Variants in GPR183 observed in about 807,000 individuals in gnomAD.
GPR183 encodes the protein G protein-coupled receptor 183, also known as EBV-induced G-protein coupled receptor 2.
A neutral mutation model predicts 19.7 loss-of-function variants in GPR183; 9 were observed. That is an observed-to-expected ratio of 0.46 (90% CI 0.28 to 0.80). The LOEUF is 0.80. Among genes scored for constraint, GPR183 ranks in the 30% least tolerant of loss-of-function variants. The probability of loss-of-function intolerance (pLI) is 0.13; values close to 1 mark genes in which losing one functional copy is unlikely to be tolerated. For missense variants in GPR183, 368 were observed against 446.7 expected (o/e 0.82, Z 1.59); for synonymous variants, 160 against 155.1 (o/e 1.03, Z -0.24).
At chr13:99,304,693 C>A (rs2138741235) in intron 1 of GPR183, among the ~76,000 whole-genome samples, 1 of 152,234 alleles carries the variant, frequency 6.6e-6, no homozygotes, top group South Asian at 2.1e-4. Context: ...CTCATTGAAT[C>A]CTCTCAGAAC....
At chr13:99,301,895 T>C (rs184157646) in intron 1 of GPR183, among the ~76,000 whole-genome samples, 41 of 152,364 alleles carry the variant, frequency 2.7e-4, no homozygotes, top group African/African-American at 9.9e-4. Flanking sequence ...AATGTCACCT[T>C]TGCCCTCTAA....
chr13:99,305,743 A>G (rs1259173334), intron 1 of GPR183, among the ~76,000 whole-genome samples: 1 of 152,196 alleles, frequency 6.6e-6, no homozygotes, highest in Non-Finnish European at 1.5e-5. Flanking sequence ...GTGAGTGAAC[A>G]TTTTGTGGAG....
At chr13:99,299,067 A>G (rs1446121467) in intron 1 of GPR183, among the ~76,000 whole-genome samples, 3 of 152,176 alleles carry the variant, frequency 2.0e-5, no homozygotes, top group Admixed American at 6.5e-5. Flanking sequence ...CCATATGAAT[A>G]ATTATTATTG....
Position 99,296,013 on chromosome 13 carries a change from CA to C in GPR183, c.132del (p.Ile44MetfsTer8). On this transcript the variant is annotated frameshift_variant, in exon 2 of 2. Coordinates refer to ENST00000376414, the MANE Select transcript of GPR183 (RefSeq NM_004951.5). LOFTEE classifies it high-confidence loss of function. Reference sequence around the variant, plus strand: ...AAGGCTAGTAAGTTTCCCACGAGCCCAATGATGAAGACGAGGCTGTAATGCA... The same window carrying C: ...AAGGCTAGTAAGTTTCCCACGAGCCCATGATGAAGACGAGGCTGTAATGCA... ...MPLHYSLVFI[I>X]GLVGNLLALV... 1 of 1,614,014 alleles carries C rather than the reference CA, an allele frequency of 6.2e-7. No individual in the cohort carries two copies. The highest frequency in any genetic ancestry group is 8.5e-7 in the Non-Finnish European group (1 of 1,180,010).
At chr13:99,306,868 G>T (rs2044344556) in intron 1 of GPR183, among the ~76,000 whole-genome samples, 1 of 152,004 alleles carries the variant, frequency 6.6e-6, no homozygotes, top group South Asian at 2.1e-4. Flanking sequence ...TATATCTAAA[G>T]CTTTAGAAAA....
chr13:99,306,985 T>C (rs2044346213), intron 1 of GPR183, among the ~76,000 whole-genome samples: 1 of 152,214 alleles, frequency 6.6e-6, no homozygotes, highest in South Asian at 2.1e-4. Flanking sequence ...TAAAATAACT[T>C]TGTTCCTTTT....
Position 99,295,091 on chromosome 13 carries a change from A to G in GPR183, c.1055T>C (p.Met352Thr), listed in dbSNP as rs777204056. 4 of 1,613,948 alleles carry G rather than the reference A, an allele frequency of 2.5e-6. No individual in the cohort carries two copies. The highest frequency in any genetic ancestry group is 1.3e-5 in the African/African-American group (1 of 74,938). Residue 352 changes from methionine (M) to threonine (T), a missense_variant, in exon 2 of 2, where the codon ATG (methionine) becomes ACG (threonine). By Grantham distance (81) the Met-to-Thr change is moderately conservative. Coordinates refer to ENST00000376414, the MANE Select transcript of GPR183 (RefSeq NM_004951.5). This position sits in a 1 kb window ranked among gnomAD's most constrained non-coding sequence, Gnocchi z 4.1. ...TCCATTTGAAGACTTGGAATGTATC[A>G]TCATCTGCGTTTCTGTCATTTCACG... ...NSREMTETQMMIHSKSSNGK is the reference protein window; with the variant it reads ...NSREMTETQMTIHSKSSNGK
At chr13:99,306,423 G>A (rs1566495152) in intron 1 of GPR183, among the ~76,000 whole-genome samples, 1 of 152,024 alleles carries the variant, frequency 6.6e-6, no homozygotes, top group Non-Finnish European at 1.5e-5. Flanking sequence ...CACACAGCTT[G>A]TAAATTTCAT....
chr13:99,298,421 G>T (rs890929617), intron 1 of GPR183, among the ~76,000 whole-genome samples: 1 of 152,142 alleles, frequency 6.6e-6, no homozygotes. Flanking sequence ...AGAAATCACA[G>T]TGGAAATTTC....
chr13:99,301,874 G>T (rs1368593095), intron 1 of GPR183, among the ~76,000 whole-genome samples: 1 of 152,166 alleles, frequency 6.6e-6, no homozygotes, highest in Non-Finnish European at 1.5e-5. Context: ...ACAGCTTTTG[G>T]TTTTTGCTGA....
chr13:99,295,470 T>C lies in GPR183; in HGVS notation c.676A>G (p.Thr226Ala), dbSNP rs1376041656. The C allele has an allele frequency of 1.9e-6, 3 of 1,613,912 alleles. No individual in the cohort carries two copies. The African/African-American group carries it at 4.0e-5, about 22-fold the overall frequency. The change falls in exon 2 of 2, where the codon ACT becomes GCT. Residue 226 changes from threonine to alanine, a missense_variant. By Grantham distance (58) the Thr-to-Ala change is moderately conservative. Transcript: ENST00000376414. This position sits in a 1 kb window ranked among gnomAD's most constrained non-coding sequence, Gnocchi z 4.1. ...YSQICCKLFR[T>A]AKQNPLTEKS... The stretch of plus-strand genomic sequence containing the variant: ...TCAGTGAGTGGGTTTTGTTTGGCAG[T>C]TCTGAAGAGTTTGCAGCAGATCTGA...
chr13:99,301,411 C>T (rs1447705410), intron 1 of GPR183, among the ~76,000 whole-genome samples: 1 of 152,150 alleles, frequency 6.6e-6, no homozygotes, highest in Non-Finnish European at 1.5e-5. Context: ...AGTACTTGGT[C>T]CTTTTAACTT....
At position 99,295,115 on chromosome 13, in the gene GPR183, C is replaced by T. The variant is rs373742313; in HGVS notation, c.1031G>A (p.Arg344His). 29 of 1,613,884 alleles carry T rather than the reference C, an allele frequency of 1.8e-5. No homozygotes were observed. Among genetic ancestry groups the T allele is most frequent in the African/African-American group, 2.7e-5 (2 of 74,906 alleles). ...AVKSAPEENS[R>H]EMTETQMMIH... ...CATCATCTGCGTTTCTGTCATTTCA[C>T]GTGAATTTTCTTCAGGGGCTGACTT... The change falls in exon 2 of 2, where the codon CGT (arginine) becomes CAT (histidine). Residue 344 changes from arginine (R) to histidine (H), a missense_variant. Coordinates refer to ENST00000376414, the MANE Select transcript of GPR183 (RefSeq NM_004951.5). This position sits in a 1 kb window ranked among gnomAD's most constrained non-coding sequence, Gnocchi z 4.1.
intron 1 of GPR183, among the ~76,000 whole-genome samples, chr13:99,303,912 C>A (rs540493325): frequency 6.6e-6 from 1 of 152,200 alleles, no homozygotes; most frequent in Non-Finnish European, 1.5e-5. Flanking sequence ...TCTCCCTCAC[C>A]TGCTGCCTCT....
chr13:99,297,970 G>A lies in GPR183; in HGVS notation c.-18-1807C>T, dbSNP rs148039645. 5.9e-4 allele frequency among the ~76,000 whole-genome samples: 90 copies of A among 152,104 alleles called. 1 individual carries two copies. The East Asian group carries it at 0.015, about 25-fold the overall frequency. On this transcript the variant is annotated intron_variant, in intron 1 of 1. Coordinates refer to ENST00000376414, the MANE Select transcript of GPR183 (RefSeq NM_004951.5). ...AACATCAGAAAAAATAGAATTCAAG[G>A]CAAATTCAATATTAATAGGAATACA...
rs2044164966 is a variant in GPR183, at chr13:99,295,947, T to C, written c.199A>G (p.Thr67Ala). Reference protein sequence around the residue: ...VQNRKKINSTTLYSTNLVISD... With the variant: ...VQNRKKINSTALYSTNLVISD... ...ATCACCAAATTTGTTGAATAGAGGG[T>C]GGTAGAGTTGATTTTTTTCCTGTTT... The change falls in exon 2 of 2, where the codon ACC becomes GCC. Residue 67 changes from threonine (T) to alanine (A), a missense_variant. Transcript: ENST00000376414. The surrounding 1 kb of genome is among the most constrained non-coding windows in gnomAD (Gnocchi z 4.1). The C allele has an allele frequency of 6.2e-7, 1 of 1,613,714 alleles. No homozygotes were observed. Among genetic ancestry groups the C allele is most frequent in the Non-Finnish European group, 8.5e-7 (1 of 1,179,874 alleles).
At chr13:99,303,547 A>G (rs117450104) in intron 1 of GPR183, among the ~76,000 whole-genome samples, 2 of 152,336 alleles carry the variant, frequency 1.3e-5, no homozygotes, top group East Asian at 3.9e-4. Context: ...GAATCCCACC[A>G]TAATACTCAT....
At chr13:99,296,191 A>C in intron 1 of GPR183, 28 bp from the exon 2 acceptor site, 2 of 1,513,802 alleles carry the variant, frequency 1.3e-6, no homozygotes, top group Non-Finnish European at 1.8e-6. Flanking sequence ...AGGATCATAT[A>C]AGTAAAAGCA....
chr13:99,295,523 G>A lies in GPR183; in HGVS notation c.623C>T (p.Pro208Leu). Residue 208 changes from proline to leucine, a missense_variant, in exon 2 of 2, where the codon CCA (proline) becomes CTA (leucine). Pro to Leu is a moderately conservative substitution (Grantham distance 98, BLOSUM62 -3). Transcript: ENST00000376414. This position sits in a 1 kb window ranked among gnomAD's most constrained non-coding sequence, Gnocchi z 4.1. ...LGACFIGYVL[P>L]LIIILICYSQ... is the part of the protein sequence containing the mutation. Reference sequence around the variant, plus strand: ...ATAGCAGATGAGAATGATTATAAGTGGAAGTACATATCCTATGAAACATGC... The same window carrying A: ...ATAGCAGATGAGAATGATTATAAGTAGAAGTACATATCCTATGAAACATGC... The A allele has an allele frequency of 6.2e-7, 1 of 1,613,882 alleles. No individual in the cohort carries two copies. Among genetic ancestry groups the A allele is most frequent in the Non-Finnish European group, 8.5e-7 (1 of 1,179,996 alleles).
Sources: allele counts gnomAD v4.1 joint callset (sites outside exome capture counted in the v4.1 genomes callset), GRCh38; gene constraint gnomAD v4.1.1; non-coding constraint Gnocchi (gnomAD v3.1); transcripts MANE v1.5; gene names NCBI Gene and HGNC (gene_info 2026-07-23, HGNC 2026-07-21).